The following GEMIN4 variants were observed in gnomAD, a reference collection of about 807,000 sequenced individuals.
The protein encoded by GEMIN4 is gem nuclear organelle associated protein 4.
In GEMIN4, 59 loss-of-function variants were observed where a neutral mutation model predicts 76.8. The observed-to-expected ratio is 0.77, with a 90% CI of 0.62 to 0.95. The LOEUF (loss-of-function observed/expected upper bound fraction) is 0.95, where lower values mean the gene tolerates loss of function less well. Among genes scored for constraint, GEMIN4 ranks in the 40% least tolerant of loss-of-function variants. The pLI is 0.00. For synonymous variants in GEMIN4, 562 were observed against 559.7 expected, an observed-to-expected ratio of 1.00 and a Z score of -0.06; for missense variants, 1,311 against 1,318.9, an observed-to-expected ratio of 0.99 and a Z score of 0.09.
At chr17:749,671 C>A in intron 1 of GEMIN4, 1 of 268,026 alleles carries the variant, frequency 3.7e-6, no homozygotes, top group Non-Finnish European at 6.0e-6. Context: ...ATGGGCACAG[C>A]AGCAATCACG....
rs1273484007 is a variant in GEMIN4 at position 747,386 on chromosome 17, C to T, written c.657G>A (p.Leu219=). The change falls in exon 2 of 2, where the codon CTG becomes CTA. Residue 219 remains leucine, a synonymous_variant. Transcript: ENST00000319004. ...ACPTMPLLAM[L]LRGLTQIQSR... ...TCTGGATCTGTGTCAGCCCGCGGAG[C>T]AGCATGGCCAACAGGGGCATGGTGG... The T allele has an allele frequency of 4.3e-6, 7 of 1,613,836 alleles. No individual in the cohort carries two copies. The highest frequency in any genetic ancestry group is 1.7e-5 in the Admixed American group (1 of 60,030).
intron 1 of GEMIN4, chr17:749,900 G>A: frequency 1.0e-6 from 1 of 990,364 alleles, no homozygotes; most frequent in Non-Finnish European, 1.2e-6. Context: ...AGGTACTCAT[G>A]GCCCTAGCTC....
upstream of GEMIN4, chr17:752,580 A>G: frequency 1.2e-6 from 1 of 834,212 alleles, no homozygotes; most frequent in Non-Finnish European, 1.5e-6. Context: ...GCACCACGCG[A>G]GGCTTCCACT....
Position 747,035 on chromosome 17 carries a change from G to A in GEMIN4, c.1008C>T (p.Arg336=), listed in dbSNP as rs569469700. ...EWGEELQAVL[R]SSQGTSYDSY... Reference sequence around the variant, plus strand: ...TGTCGTAACTTGTCCCCTGGCTGCTGCGGAGCACGGCCTGCAACTCCTCCC... The same window carrying A: ...TGTCGTAACTTGTCCCCTGGCTGCTACGGAGCACGGCCTGCAACTCCTCCC... Residue 336 remains arginine (R), a synonymous_variant, in exon 2 of 2, where the codon CGC becomes CGT. Transcript: ENST00000319004. 36 of 1,613,410 alleles carry A rather than the reference G, an allele frequency of 2.2e-5. No homozygotes were observed. In the South Asian group the frequency reaches 3.3e-4, roughly 15 times the overall value.
In GEMIN4 at chr17:747,476, G is replaced by A. The variant is rs758658212; in HGVS notation, c.567C>T (p.Tyr189=). 12 of 1,613,858 alleles carry A rather than the reference G, an allele frequency of 7.4e-6. No homozygotes were observed. In the South Asian group the frequency reaches 1.3e-4, roughly 18 times the overall value. ...LSQFSAMAHK[Y]LPALDEFPHP... Reference sequence around the variant, plus strand: ...GGGGGAACTCATCTAAGGCAGGCAGGTACTTATGGGCCATTGCACTAAACT... The same window carrying A: ...GGGGGAACTCATCTAAGGCAGGCAGATACTTATGGGCCATTGCACTAAACT... Residue 189 remains tyrosine, a synonymous_variant, in exon 2 of 2, where the codon TAC becomes TAT. Coordinates refer to ENST00000319004, the MANE Select transcript of GEMIN4 (RefSeq NM_015721.3).
chr17:745,258 C>T lies in GEMIN4; in HGVS notation c.2785G>A (p.Asp929Asn), dbSNP rs2740349. The T allele has an allele frequency of 0.83, 1,343,043 of 1,610,110 alleles. 561,509 individuals carry two copies. The highest frequency in any genetic ancestry group is 0.96 in the African/African-American group (71,698 of 74,974). ...FQFLCSHSCR[D>N]WLPLEGWNHV... ...TTCCAGCCTTCCAGAGGAAGCCAATCACGACAGCTATGGCTGCAGAGAAAC... is the reference window on the plus strand; with the variant it reads ...TTCCAGCCTTCCAGAGGAAGCCAATTACGACAGCTATGGCTGCAGAGAAAC... Residue 929 changes from aspartate to asparagine, a missense_variant, in exon 2 of 2, where the codon GAT becomes AAT. By Grantham distance (23) the Asp-to-Asn change is conservative. Coordinates refer to ENST00000319004, the MANE Select transcript of GEMIN4 (RefSeq NM_015721.3). This position sits in a 1 kb window ranked among gnomAD's most constrained non-coding sequence, Gnocchi z 4.6.
rs1031949326 is a variant in GEMIN4 at position 747,452 on chromosome 17, G to A, written c.591C>T (p.Pro197=). 2.5e-6 allele frequency: 4 copies of A among 1,613,764 alleles called. No individual in the cohort carries two copies. The highest frequency in any genetic ancestry group is 2.2e-5 in the East Asian group (1 of 44,880). The stretch of plus-strand genomic sequence containing the variant: ...CTGACCTAAGCCTCTTTGGAGGATG[G>A]GGGAACTCATCTAAGGCAGGCAGGT... ...HKYLPALDEF[P]HPPKRLRSDP... The change falls in exon 2 of 2, where the codon CCC becomes CCT. Residue 197 remains proline (P), a synonymous_variant. Coordinates refer to ENST00000319004, the MANE Select transcript of GEMIN4 (RefSeq NM_015721.3).
rs541236838 is a variant in GEMIN4 at position 745,453 on chromosome 17, A to G, written c.2590T>C (p.Cys864Arg). The G allele has an allele frequency of 1.2e-6, 2 of 1,612,538 alleles. No individual in the cohort carries two copies. Among genetic ancestry groups the G allele is most frequent in the South Asian group, 1.1e-5 (1 of 91,074 alleles). ...AGGCGCTGCCACTCCTGAGGGCTGC[A>G]CCAAGGCATGACTTGCACCAGGGCC... Reference protein sequence around the residue: ...LVALVQVMPWCSPQEWQRLHQ... With the variant: ...LVALVQVMPWRSPQEWQRLHQ... The change falls in exon 2 of 2, where the codon TGC (cysteine) becomes CGC (arginine). Residue 864 changes from cysteine (C) to arginine (R), a missense_variant. By Grantham distance (180) the Cys-to-Arg change is radical. Transcript: ENST00000319004. This position sits in a 1 kb window ranked among gnomAD's most constrained non-coding sequence, Gnocchi z 4.6.
At position 747,429 on chromosome 17, in the gene GEMIN4, G is replaced by C; in HGVS notation, c.614C>G (p.Ser205Ter). ...CATGGTGGGGCACGCGTCTGGGTCTGACCTAAGCCTCTTTGGAGGATGGGG... is the reference window on the plus strand; with the variant it reads ...CATGGTGGGGCACGCGTCTGGGTCTCACCTAAGCCTCTTTGGAGGATGGGG... Reference protein sequence around the residue: ...EFPHPPKRLRSDPDACPTMPL... With the variant: ...EFPHPPKRLR Residue 205 changes from serine to a stop codon, truncating the protein, a stop_gained, in exon 2 of 2, where the codon TCA becomes TGA. Coordinates refer to ENST00000319004, the MANE Select transcript of GEMIN4 (RefSeq NM_015721.3). LOFTEE classifies it high-confidence loss of function. The C allele has an allele frequency of 6.2e-7, 1 of 1,613,882 alleles. No homozygotes were observed. The highest frequency in any genetic ancestry group is 1.1e-5 in the South Asian group (1 of 91,080).
At chr17:748,341 A>G in intron 1 of GEMIN4, 2 of 318,744 alleles carry the variant, frequency 6.3e-6, no homozygotes. Context: ...CAAGGTACAG[A>G]TGTCCTCCAG....
chr17:748,657 T>TA, intron 1 of GEMIN4: 1 of 231,636 alleles, frequency 4.3e-6, no homozygotes, highest in South Asian at 4.8e-5. Flanking sequence ...AGCCACAGGG[T>TA]AATGGGCACA....
upstream of GEMIN4, chr17:752,643 C>T: frequency 2.0e-6 from 2 of 1,014,980 alleles, no homozygotes; most frequent in Non-Finnish European, 1.2e-6. Context: ...TCCTGCCGCG[C>T]CGCCCCCTCC....
chr17:745,506 ACCT>A lies in GEMIN4; in HGVS notation c.2534_2536del (p.Glu845del), dbSNP rs778585719. 2.1e-5 allele frequency: 34 copies of A among 1,611,430 alleles called. No individual in the cohort carries two copies. The highest frequency in any genetic ancestry group is 2.9e-5 in the Non-Finnish European group (34 of 1,179,704). On this transcript the variant is annotated inframe_deletion, in exon 2 of 2. Coordinates refer to ENST00000319004, the MANE Select transcript of GEMIN4 (RefSeq NM_015721.3). The surrounding 1 kb of genome is among the most constrained non-coding windows in gnomAD (Gnocchi z 4.6). Reference sequence around the variant, plus strand: ...CAGAAAGCCTTTGCTGAACAGTCTGACCTCCTCAGGATTGCCCACGTCCACCAC... The same window carrying A: ...CAGAAAGCCTTTGCTGAACAGTCTGACCTCAGGATTGCCCACGTCCACCAC...
chr17:752,265 C>T (rs1255504399), upstream of GEMIN4: 18 of 1,226,660 alleles, frequency 1.5e-5, no homozygotes, highest in Non-Finnish European at 1.8e-5. Flanking sequence ...TAGGCCTGCT[C>T]ACAACCTCCG....
At position 746,610 on chromosome 17, in the gene GEMIN4, T is replaced by C. The variant is rs781465067; in HGVS notation, c.1433A>G (p.Gln478Arg). 3 of 1,613,664 alleles carry C rather than the reference T, an allele frequency of 1.9e-6. No homozygotes were observed. Among genetic ancestry groups the C allele is most frequent in the Non-Finnish European group, 2.5e-6 (3 of 1,179,894 alleles). The part of the protein sequence containing the change: ...DRAIPESQIR[Q>R]VIHLILECYA... The stretch of plus-strand genomic sequence containing the variant: ...ACATTCCAGGATCAGGTGGATCACC[T>C]GCCGGATCTGAGACTCAGGGATGGC... Residue 478 changes from glutamine (Q) to arginine (R), a missense_variant, in exon 2 of 2, where the codon CAG becomes CGG. Physicochemically the swap from Gln to Arg is conservative, Grantham distance 43. Coordinates refer to ENST00000319004, the MANE Select transcript of GEMIN4 (RefSeq NM_015721.3). This position sits in a 1 kb window ranked among gnomAD's most constrained non-coding sequence, Gnocchi z 4.3.
At chr17:748,266 T>C (rs1401826838) in intron 1 of GEMIN4, 2 of 533,732 alleles carry the variant, frequency 3.7e-6, no homozygotes, top group Non-Finnish European at 6.6e-6. Context: ...CCAGGTGACA[T>C]CACATACAGG....
chr17:746,637 C>T lies in GEMIN4; in HGVS notation c.1406G>A (p.Arg469Lys). 2 of 1,613,620 alleles carry T rather than the reference C, an allele frequency of 1.2e-6. No individual in the cohort carries two copies. Among genetic ancestry groups the T allele is most frequent in the African/African-American group, 2.7e-5 (2 of 75,054 alleles). The change falls in exon 2 of 2, where the codon AGA becomes AAA. Residue 469 changes from arginine (R) to lysine (K), a missense_variant. Arg to Lys is a conservative substitution (Grantham distance 26). Coordinates refer to ENST00000319004, the MANE Select transcript of GEMIN4 (RefSeq NM_015721.3). This position sits in a 1 kb window ranked among gnomAD's most constrained non-coding sequence, Gnocchi z 4.3. Reference protein sequence around the residue: ...ETVIDVSTADRAIPESQIRQV... With the variant: ...ETVIDVSTADKAIPESQIRQV... ...CCGGATCTGAGACTCAGGGATGGCT[C>T]TGTCAGCTGTGCTGACGTCTATCAC...
In GEMIN4 at chr17:747,965, G is replaced by A; in HGVS notation, c.78C>T (p.Phe26=). 1 of 1,613,032 alleles carries A rather than the reference G, an allele frequency of 6.2e-7. No homozygotes were observed. The highest frequency in any genetic ancestry group is 2.2e-5 in the East Asian group (1 of 44,866). ...TTAATTCTGCCAGTGCCTTAGGGTGGAACAGCTGCTCGGCCAGCAAGAAGC... is the reference window on the plus strand; with the variant it reads ...TTAATTCTGCCAGTGCCTTAGGGTGAAACAGCTGCTCGGCCAGCAAGAAGC... ...HGGFLLAEQL[F]HPKALAELTK... The change falls in exon 2 of 2, where the codon TTC becomes TTT. Residue 26 remains phenylalanine (F), a synonymous_variant. Coordinates refer to ENST00000319004, the MANE Select transcript of GEMIN4 (RefSeq NM_015721.3).
At chr17:751,001 G>A (rs1251478117) in intron 1 of GEMIN4, among the ~76,000 whole-genome samples, 2 of 152,246 alleles carry the variant, frequency 1.3e-5, no homozygotes, top group Non-Finnish European at 2.9e-5. Context: ...TTGAGCAGAT[G>A]TTTGGCCCTA....
Sources: gnomAD v4.1 joint callset for allele counts (sites outside exome capture counted in the v4.1 genomes callset) on GRCh38, gnomAD v4.1.1 for gene constraint, Gnocchi (gnomAD v3.1) non-coding constraint, MANE v1.5 for transcripts, NCBI Gene and HGNC (gene_info 2026-07-23, HGNC 2026-07-21) for gene names.